Variants in CRPPA observed in about 807,000 individuals in gnomAD.
CRPPA encodes the protein D-ribitol-5-phosphate cytidylyltransferase.
Under a neutral mutation model 52.0 loss-of-function variants are expected in CRPPA, and 43 were observed. The ratio of observed to expected loss-of-function variants is 0.83; its 90% CI spans 0.65 to 1.07. The LOEUF is 1.07. CRPPA is among the 50% of genes least tolerant of loss of function. The pLI is 0.00. For missense variants in CRPPA, 629 were observed against 551.7 expected, an observed-to-expected ratio of 1.14 and a Z score of -1.40; for synonymous variants, 250 against 203.5, an observed-to-expected ratio of 1.23 and a Z score of -1.94.
intron 9 of CRPPA, among the ~76,000 whole-genome samples, chr7:16,188,631 T>A (rs950023769): frequency 6.6e-6 from 1 of 152,076 alleles, no homozygotes; most frequent in Non-Finnish European, 1.5e-5. Context: ...CCCCAACATG[T>A]CCACTGTAAG....
chr7:16,170,930 C>T (rs1781171343), intron 9 of CRPPA, among the ~76,000 whole-genome samples: 2 of 152,216 alleles, frequency 1.3e-5, no homozygotes, highest in Admixed American at 1.3e-4. Context: ...CCCGCTTAGC[C>T]CCGGTTCCTG....
intron 8 of CRPPA, among the ~76,000 whole-genome samples, chr7:16,221,378 G>C (rs1187264574): frequency 6.6e-6 from 1 of 152,180 alleles, no homozygotes; most frequent in Non-Finnish European, 1.5e-5. Flanking sequence ...TCAGGACATA[G>C]GCATGGGCAA....
intron 2 of CRPPA, among the ~76,000 whole-genome samples, chr7:16,400,318 G>C (rs1009225296): frequency 6.6e-6 from 1 of 152,210 alleles, no homozygotes; most frequent in Non-Finnish European, 1.5e-5. Flanking sequence ...ATTGACACTT[G>C]ACCAACACCT....
At chr7:16,103,682 C>A (rs904947053) in intron 9 of CRPPA, among the ~76,000 whole-genome samples, 24 of 152,080 alleles carry the variant, frequency 1.6e-4, no homozygotes, top group Non-Finnish European at 3.4e-4. Context: ...GGGATAAGGG[C>A]AGACAATGAG....
chr7:16,114,615 G>C (rs530503134), intron 9 of CRPPA, among the ~76,000 whole-genome samples: 2 of 151,846 alleles, frequency 1.3e-5, no homozygotes, highest in Admixed American at 6.6e-5. Context: ...TTAAAATTAT[G>C]CTTGATTTGG....
chr7:16,301,299 G>A, intron 5 of CRPPA, 122 bp downstream of exon 5: 1 of 705,200 alleles, frequency 1.4e-6, no homozygotes, highest in East Asian at 2.7e-5. Context: ...AAACAAATCA[G>A]AGACCTTGGC....
At chr7:16,276,090 A>C (rs1784198866) in intron 6 of CRPPA, among the ~76,000 whole-genome samples, 1 of 152,044 alleles carries the variant, frequency 6.6e-6, no homozygotes, top group African/African-American at 2.4e-5. Context: ...TAGAAAAAAC[A>C]CAAAAGGTAA....
At chr7:16,305,074 G>C (rs911699344) in intron 4 of CRPPA, among the ~76,000 whole-genome samples, 5 of 152,184 alleles carry the variant, frequency 3.3e-5, no homozygotes, top group East Asian at 1.9e-4. Context: ...CTCCATTGTT[G>C]TGTAAAACAA....
At chr7:16,185,747 C>T (rs978424378) in intron 9 of CRPPA, among the ~76,000 whole-genome samples, 1 of 152,080 alleles carries the variant, frequency 6.6e-6, no homozygotes, top group African/African-American at 2.4e-5. Flanking sequence ...CAAGTTCTAA[C>T]AGAAATACCA....
Position 16,225,736 on chromosome 7 carries a change from T to C in CRPPA, c.1120-9539A>G, listed in dbSNP as rs367873412. Among the ~76,000 whole-genome samples the C allele has an allele frequency of 1.1e-4, 17 of 151,912 alleles. No homozygotes were observed. In the East Asian group the frequency reaches 2.5e-3, roughly 22 times the overall value. Reference sequence around the variant, plus strand: ...TAGGCATGCATTACTTGTCATTTTTTTAAAAAAATACTAAACAGTTTTACA... The same window carrying C: ...TAGGCATGCATTACTTGTCATTTTTCTAAAAAAATACTAAACAGTTTTACA... On this transcript the variant is annotated intron_variant, in intron 8 of 9. Transcript: ENST00000407010.
intron 9 of CRPPA, among the ~76,000 whole-genome samples, chr7:16,183,037 C>A (rs181120771): frequency 3.1e-4 from 47 of 152,234 alleles, no homozygotes; most frequent in Non-Finnish European, 1.2e-4. Flanking sequence ...AAGTTCTTTA[C>A]AATCAGAGCA....
At chr7:16,351,670 C>A (rs1048769198) in intron 3 of CRPPA, among the ~76,000 whole-genome samples, 1 of 152,142 alleles carries the variant, frequency 6.6e-6, no homozygotes, top group Non-Finnish European at 1.5e-5. Context: ...AAAAGCTCAT[C>A]ATCACTGGTC....
chr7:16,301,421 C>G lies in CRPPA; in HGVS notation c.835G>C (p.Glu279Gln). 1 of 1,611,926 alleles carries G rather than the reference C, an allele frequency of 6.2e-7. No homozygotes were observed. Among genetic ancestry groups the G allele is most frequent in the Non-Finnish European group, 8.5e-7 (1 of 1,178,660 alleles). The change falls in exon 5 of 10, where the codon GAG (glutamate) becomes CAG (glutamine). Residue 279 changes from glutamate to glutamine, a missense_variant and splice_region_variant. Transcript: ENST00000407010. ...CTGACAGTCATAAGGCCAAACATAC[C>G]CTTAATAATCGATTCAGCCGCATAG... ...DLYAAESIIK[E>Q]RISQEICVVM...
intron 9 of CRPPA, among the ~76,000 whole-genome samples, chr7:16,173,517 C>T (rs1433572774): frequency 1.3e-5 from 2 of 152,112 alleles, no homozygotes; most frequent in Non-Finnish European, 2.9e-5. Flanking sequence ...CTCTTTGCAA[C>T]CTACTACGTG....
chr7:16,189,444 A>G (rs1781565309), intron 9 of CRPPA, among the ~76,000 whole-genome samples: 1 of 152,192 alleles, frequency 6.6e-6, no homozygotes, highest in Non-Finnish European at 1.5e-5. Context: ...ATGGCTGCAT[A>G]TTTACCATTT....
At chr7:16,203,982 A>G (rs1202684074) in intron 9 of CRPPA, among the ~76,000 whole-genome samples, 1 of 152,158 alleles carries the variant, frequency 6.6e-6, no homozygotes, top group Non-Finnish European at 1.5e-5. Context: ...AAAGATCACT[A>G]TATTCAAAAT....
At chr7:16,409,802 A>T (rs1376839802) in intron 1 of CRPPA, among the ~76,000 whole-genome samples, 4 of 152,194 alleles carry the variant, frequency 2.6e-5, no homozygotes, top group Non-Finnish European at 5.9e-5. Flanking sequence ...GCAATAAGAA[A>T]TTTTTACCAT....
intron 9 of CRPPA, among the ~76,000 whole-genome samples, chr7:16,188,342 G>A (rs1285545092): frequency 6.6e-6 from 1 of 152,104 alleles, no homozygotes; most frequent in Non-Finnish European, 1.5e-5. Context: ...GAGATGAGGT[G>A]AGGGAGTACA....
intron 3 of CRPPA, among the ~76,000 whole-genome samples, chr7:16,318,910 C>T (rs183196927): frequency 1.3e-5 from 2 of 152,226 alleles, no homozygotes; most frequent in Admixed American, 1.3e-4. Context: ...AATAATTTAC[C>T]TTTCATTCTG....
Sources: allele counts gnomAD v4.1 joint callset (sites outside exome capture counted in the v4.1 genomes callset), GRCh38; gene constraint gnomAD v4.1.1; transcripts MANE v1.5; gene names NCBI Gene and HGNC (gene_info 2026-07-23, HGNC 2026-07-21).